CEP250: variants seen among roughly 807,000 people sequenced by gnomAD.
The protein encoded by CEP250 is centrosomal protein 250.
CEP250 carries 242 observed loss-of-function variants against 315.7 expected under a neutral mutation model. That is an observed-to-expected ratio of 0.77 (90% CI 0.69 to 0.85). The LOEUF (loss-of-function observed/expected upper bound fraction) is 0.85. Ranked by LOEUF, CEP250 falls within the 40% of genes least tolerant of loss-of-function variation. The pLI is 0.00. For missense variants in CEP250, 2,515 were observed against 2,886.4 expected (o/e 0.87, Z 2.95); for synonymous variants, 1,088 against 1,175.0 (o/e 0.93, Z 1.51).
chr20:35,455,173 T>A (rs185034142), upstream of CEP250: 1 of 152,388 alleles, frequency 6.6e-6, no homozygotes, highest in African/African-American at 2.4e-5. Context: ...CCGCAGGGCC[T>A]TAGCAGCGGC....
At chr20:35,487,217 C>T (rs1445369866) in intron 20 of CEP250, among the ~76,000 whole-genome samples, 1 of 152,150 alleles carries the variant, frequency 6.6e-6, no homozygotes, top group East Asian at 1.9e-4. Flanking sequence ...CCTGTAATCC[C>T]AGCACTTTGG....
chr20:35,473,282 C>T, intron 12 of CEP250, 92 bp from the exon 13 acceptor site: 3 of 1,144,690 alleles, frequency 2.6e-6, no homozygotes, highest in South Asian at 1.6e-5. Context: ...TGCACCAGCC[C>T]CCGACCCCCT....
chr20:35,493,138 A>AGT (rs1015973896), intron 22 of CEP250, among the ~76,000 whole-genome samples: 4 of 151,936 alleles, frequency 2.6e-5, no homozygotes, highest in African/African-American at 4.8e-5. Context: ...AGTAGAGAAT[A>AGT]GTGTGTGTGT....
intron 33 of CEP250, 121 bp downstream of exon 33, chr20:35,509,165 G>C (rs912482005): frequency 1.3e-6 from 1 of 760,332 alleles, no homozygotes; most frequent in Non-Finnish European, 2.2e-6. Flanking sequence ...AGCCCCTCCT[G>C]ACTGCATTCT....
In CEP250 at chr20:35,472,138, AG is replaced by A; in HGVS notation, c.1039del (p.Asp347IlefsTer2). On this transcript the variant is annotated frameshift_variant, in exon 11 of 35. Coordinates refer to ENST00000397527, the MANE Select transcript of CEP250 (RefSeq NM_007186.6). LOFTEE classifies it high-confidence loss of function. The stretch of plus-strand genomic sequence containing the variant: ...AAGTTGTCTTTACAGCAGGTGATCA[AG>A]GATATAACCCAGGTACTGGGAAGCC... Reference protein sequence around the residue: ...EEKLSLQQVIKDITQVMVEEG... With the variant: ...EEKLSLQQVIXDITQVMVEEG... 1 of 1,607,342 alleles carries A rather than the reference AG, an allele frequency of 6.2e-7. No homozygotes were observed. The highest frequency in any genetic ancestry group is 8.5e-7 in the Non-Finnish European group (1 of 1,173,830).
At position 35,502,606 on chromosome 20, in the gene CEP250, G is replaced by A. The variant is rs972607116; in HGVS notation, c.4237G>A (p.Val1413Met). 2 of 1,614,264 alleles carry A rather than the reference G, an allele frequency of 1.2e-6. No individual in the cohort carries two copies. Among genetic ancestry groups the A allele is most frequent in the Admixed American group, 1.7e-5 (1 of 60,030 alleles). Residue 1413 changes from valine to methionine, a missense_variant, in exon 30 of 35, where the codon GTG becomes ATG. Coordinates refer to ENST00000397527, the MANE Select transcript of CEP250 (RefSeq NM_007186.6). ...TCTGCAAGAGCAGGGCGAACTGAAGGTGGCCCAAGGGAAGGCTCTGCAAGA... is the reference window on the plus strand; with the variant it reads ...TCTGCAAGAGCAGGGCGAACTGAAGATGGCCCAAGGGAAGGCTCTGCAAGA... ...QALQEQGELK[V>M]AQGKALQENL...
chr20:35,458,518 T>C (rs764884227), intron 2 of CEP250, 144 bp downstream of exon 2: 27 of 152,226 alleles, frequency 1.8e-4, no homozygotes, highest in Admixed American at 3.9e-4. Flanking sequence ...GCTCAGTGGT[T>C]TACAGCTTAG....
Position 35,480,124 on chromosome 20 carries a change from G to T in CEP250, c.2565G>T (p.Val855=), listed in dbSNP as rs1216939651. ...EQQKAAHEKE[V]NQLREKWEKE... is the part of the protein sequence containing the mutation. ...AGAAGGCAGCCCATGAGAAAGAGGTGAACCAGCTCCGGGAGAAATGGGTAA... is the reference window on the plus strand; with the variant it reads ...AGAAGGCAGCCCATGAGAAAGAGGTTAACCAGCTCCGGGAGAAATGGGTAA... Residue 855 remains valine, a synonymous_variant, in exon 20 of 35, where the codon GTG becomes GTT. Coordinates refer to ENST00000397527, the MANE Select transcript of CEP250 (RefSeq NM_007186.6). 3.7e-6 allele frequency: 6 copies of T among 1,612,188 alleles called. No individual in the cohort carries two copies. In the South Asian group the frequency reaches 5.5e-5, roughly 15 times the overall value.
chr20:35,493,070 T>C (rs1385612232), intron 22 of CEP250, among the ~76,000 whole-genome samples: 2 of 151,972 alleles, frequency 1.3e-5, no homozygotes, highest in African/African-American at 2.4e-5. Context: ...TATGATTTAT[T>C]TATATATACG....
In CEP250 at chr20:35,491,400, C is replaced by G. The variant is rs560936952; in HGVS notation, c.2889+54C>G. 6.5e-6 allele frequency: 10 copies of G among 1,543,768 alleles called. No homozygotes were observed. In the East Asian group the frequency reaches 1.2e-4, roughly 19 times the overall value. On this transcript the variant is annotated intron_variant, in intron 22 of 34. Coordinates refer to ENST00000397527, the MANE Select transcript of CEP250 (RefSeq NM_007186.6). ...AGAAAGGGGCACTCATTTACCCATTCGACCATGAAGGGTTCTTGGGCACTT... is the reference window on the plus strand; with the variant it reads ...AGAAAGGGGCACTCATTTACCCATTGGACCATGAAGGGTTCTTGGGCACTT...
At chr20:35,502,341 C>A in intron 29 of CEP250, 49 bp from the exon 30 acceptor site, 1 of 1,466,988 alleles carries the variant, frequency 6.8e-7, no homozygotes, top group Non-Finnish European at 9.3e-7. Flanking sequence ...GTTGGGGTGA[C>A]AGTAGCAGGG....
At chr20:35,471,370 G>C (rs1201425179) in intron 10 of CEP250, among the ~76,000 whole-genome samples, 1 of 152,210 alleles carries the variant, frequency 6.6e-6, no homozygotes, top group Non-Finnish European at 1.5e-5. Flanking sequence ...ATGTAGGAAT[G>C]GGGGCTGGGT....
chr20:35,476,911 C>T (rs372859863), intron 16 of CEP250, among the ~76,000 whole-genome samples: 16 of 152,238 alleles, frequency 1.1e-4, no homozygotes, highest in African/African-American at 2.9e-4. Flanking sequence ...TGCAGTGGTG[C>T]GATCTTAGCT....
At position 35,462,355 on chromosome 20, in the gene CEP250, A is replaced by T. The variant is rs1568752804; in HGVS notation, c.-13A>T. 1 of 1,565,082 alleles carries T rather than the reference A, an allele frequency of 6.4e-7. No individual in the cohort carries two copies. Among genetic ancestry groups the T allele is most frequent in the Non-Finnish European group, 8.7e-7 (1 of 1,151,962 alleles). The stretch of plus-strand genomic sequence containing the variant: ...CTACCTAGGGACCTGTGGGCCTACC[A>T]CCTGGTGCCCTCATGGAGACAAGAA... On this transcript the variant is annotated 5_prime_UTR_variant, in exon 4 of 35. Transcript: ENST00000397527.
chr20:35,483,190 C>T (rs1355645948), intron 20 of CEP250, among the ~76,000 whole-genome samples: 1 of 151,670 alleles, frequency 6.6e-6, no homozygotes, highest in East Asian at 1.9e-4. Context: ...TGTGGTAGCA[C>T]ATGTCTGTAA....
intron 21 of CEP250, chr20:35,491,011 G>GT (rs2063674137): frequency 2.5e-6 from 2 of 795,056 alleles, no homozygotes; most frequent in South Asian, 3.7e-5. Flanking sequence ...GGGCTGACAT[G>GT]TACCACATCC....
rs531434602 is a variant in CEP250, at chr20:35,497,377, T to C, written c.3307-342T>C. Among the ~76,000 whole-genome samples, 25 of 152,306 alleles carry C rather than the reference T, an allele frequency of 1.6e-4. 1 individual carries two copies. The South Asian group carries it at 4.8e-3, about 29-fold the overall frequency. ...AGGAACACAATAAGCATTCAATACA[T>C]GGTAGCTATGTTATTGTGACTGGTC... On this transcript the variant is annotated intron_variant, in intron 25 of 34. Transcript: ENST00000397527.
Position 35,479,225 on chromosome 20 carries a change from C to T in CEP250, c.2095-6C>T. On this transcript the variant is annotated splice_region_variant and splice_polypyrimidine_tract_variant and intron_variant, in intron 17 of 34. Coordinates refer to ENST00000397527, the MANE Select transcript of CEP250 (RefSeq NM_007186.6). ...GCTCCATCTCTCACCACATTCTTCC[C>T]CTCAGTCACGTCACCAGCAGGAGGC... 1 of 1,612,810 alleles carries T rather than the reference C, an allele frequency of 6.2e-7. No homozygotes were observed. The highest frequency in any genetic ancestry group is 8.5e-7 in the Non-Finnish European group (1 of 1,179,228).
At position 35,496,701 on chromosome 20, in the gene CEP250, G is replaced by T. The variant is rs917053719; in HGVS notation, c.3292G>T (p.Glu1098Ter). ...DMQEAQGEQK[E>*]LSAQMELLRQ... ...GCAGGAGGCCCAGGGAGAACAGAAAGAGCTCAGTGCTCAGGTACTTCCCAC... is the reference window on the plus strand; with the variant it reads ...GCAGGAGGCCCAGGGAGAACAGAAATAGCTCAGTGCTCAGGTACTTCCCAC... Residue 1098 changes from glutamate to a stop codon, truncating the protein, a stop_gained, in exon 25 of 35, where the codon GAG (glutamate) becomes TAG (stop). Transcript: ENST00000397527. LOFTEE classifies it high-confidence loss of function. 6.2e-7 allele frequency: 1 copy of T among 1,613,780 alleles called. No homozygotes were observed.
Sources: gnomAD v4.1 joint callset for allele counts (sites outside exome capture counted in the v4.1 genomes callset) on GRCh38, gnomAD v4.1.1 for gene constraint, MANE v1.5 for transcripts, NCBI Gene and HGNC (gene_info 2026-07-23, HGNC 2026-07-21) for gene names.